Variants in TNRC6B observed in about 807,000 individuals in gnomAD.
TNRC6B encodes the protein trinucleotide repeat containing adaptor 6B.
In TNRC6B, 52 loss-of-function variants were observed where a neutral mutation model predicts 203.6. That is an observed-to-expected ratio of 0.26 (90% CI 0.20 to 0.32). The LOEUF (loss-of-function observed/expected upper bound fraction) is 0.32, where lower values mean the gene tolerates loss of function less well. Ranked by LOEUF, TNRC6B falls within the 10% of genes least tolerant of loss-of-function variation. The pLI is 1.00. For missense variants in TNRC6B, 1,923 were observed against 2,286.2 expected, an observed-to-expected ratio of 0.84 and a Z score of 3.24; for synonymous variants, 838 against 845.7, an observed-to-expected ratio of 0.99 and a Z score of 0.16.
chr22:40,109,349 G>A (rs559051096), intron 1 of TNRC6B, among the ~76,000 whole-genome samples: 1 of 152,236 alleles, frequency 6.6e-6, no homozygotes, highest in South Asian at 2.1e-4. Flanking sequence ...GGTCATTGAG[G>A]AATCACCACA....
At chr22:40,240,624 C>G (rs773539980) in intron 1 of TNRC6B, among the ~76,000 whole-genome samples, 1 of 152,138 alleles carries the variant, frequency 6.6e-6, no homozygotes, top group Non-Finnish European at 1.5e-5. Flanking sequence ...AGTAGAGACT[C>G]AGTAAATACT....
intron 13 of TNRC6B, 145 bp downstream of exon 13, chr22:40,300,731 T>TA: frequency 7.8e-7 from 1 of 1,281,828 alleles, no homozygotes; most frequent in Non-Finnish European, 1.1e-6. Flanking sequence ...GGAGTGTGCT[T>TA]AAGGGTTGTC....
intron 1 of TNRC6B, among the ~76,000 whole-genome samples, chr22:40,207,975 A>G (rs2179420): frequency 0.68 from 102,842 of 151,582 alleles, 36,628 homozygotes; most frequent in African/African-American, 0.9. Flanking sequence ...TTAGCCGGGC[A>G]TGGTGGCGGG....
At chr22:40,207,285 A>G (rs6001836) in intron 1 of TNRC6B, among the ~76,000 whole-genome samples, 58,578 of 151,770 alleles carry the variant, frequency 0.39, 15,969 homozygotes, top group African/African-American at 0.78. Flanking sequence ...GCTCACGCCT[A>G]TAGTTCCAGC....
At chr22:40,052,683 A>G (rs576627380) in intron 1 of TNRC6B, among the ~76,000 whole-genome samples, 2 of 152,122 alleles carry the variant, frequency 1.3e-5, no homozygotes, top group South Asian at 4.1e-4. Context: ...TCCCAGGCTC[A>G]AGCAATCTGC....
At chr22:40,147,121 G>T (rs917506466) in intron 3 of TNRC6B, among the ~76,000 whole-genome samples, 1 of 152,202 alleles carries the variant, frequency 6.6e-6, no homozygotes, top group African/African-American at 2.4e-5. Context: ...GCCTTACAAA[G>T]GGAAGGAAAC....
At chr22:40,312,484 T>C in intron 17 of TNRC6B, 21 bp from the exon 18 acceptor site, 1 of 1,598,846 alleles carries the variant, frequency 6.3e-7, no homozygotes, top group African/African-American at 1.3e-5. Context: ...CCTTCTCTAA[T>C]ATTTGTTTTC....
At position 40,273,490 on chromosome 22, in the gene TNRC6B, A is replaced by G; in HGVS notation, c.3031A>G (p.Ser1011Gly). 1 of 1,607,138 alleles carries G rather than the reference A, an allele frequency of 6.2e-7. No individual in the cohort carries two copies. Among genetic ancestry groups the G allele is most frequent in the East Asian group, 2.2e-5 (1 of 44,660 alleles). The change falls in exon 7 of 23, where the codon AGC (serine) becomes GGC (glycine). Residue 1011 changes from serine to glycine, a missense_variant. Ser to Gly is a moderately conservative substitution (Grantham distance 56, BLOSUM62 0). Around this residue, in one of 8 missense-constraint regions of TNRC6B, gnomAD observed 599 missense variants for 656.5 expected, o/e 0.91. Transcript: ENST00000454349. ...GCCAGTCACAGGAGCTCGCCATCCCAGCTGGGAAGAGGAGGAGGATGGAGG... is the reference window on the plus strand; with the variant it reads ...GCCAGTCACAGGAGCTCGCCATCCCGGCTGGGAAGAGGAGGAGGATGGAGG... ...DGPVTGARHP[S>G]WEEEEDGGVW...
At chr22:40,086,766 C>T (rs1014534401) in intron 1 of TNRC6B, among the ~76,000 whole-genome samples, 1 of 152,042 alleles carries the variant, frequency 6.6e-6, no homozygotes, top group Non-Finnish European at 1.5e-5. Flanking sequence ...AAAAGGAAAA[C>T]AAAGGTTTTA....
At chr22:40,159,482 A>G (rs912204075) in intron 4 of TNRC6B, among the ~76,000 whole-genome samples, 2 of 150,978 alleles carry the variant, frequency 1.3e-5, no homozygotes, top group Non-Finnish European at 3.0e-5. Context: ...TAGTAAAAAT[A>G]CAAAAAATTA....
chr22:40,301,806 G>A (rs1461826311), intron 15 of TNRC6B, among the ~76,000 whole-genome samples: 1 of 151,992 alleles, frequency 6.6e-6, no homozygotes. Flanking sequence ...AATCCAAAAT[G>A]CCCCAAAATC....
At chr22:40,156,115 G>T (rs9611280) in exon 4 of TNRC6B, 7 of 1,576,256 alleles carry the variant, frequency 4.4e-6, no homozygotes, top group Middle Eastern at 1.7e-4. Flanking sequence ...GCCTTTGCAG[G>T]TGGAACAGGA....
intron 1 of TNRC6B, among the ~76,000 whole-genome samples, chr22:40,059,048 C>G (rs1202246486): frequency 6.6e-6 from 1 of 152,188 alleles, no homozygotes; most frequent in East Asian, 1.9e-4. Context: ...TTTACTGCTC[C>G]CATTTATCAA....
rs534786095 is a variant in TNRC6B at position 40,128,521 on chromosome 22, C to T, written c.45+2659C>T. ...ACTGGATCTTTCTCTGTCACCAAGT[C>T]TGGAGTGTGGTGGTATGATCACGGC... On this transcript the variant is annotated intron_variant, in intron 3 of 23. Coordinates refer to the TNRC6B transcript ENST00000301923. Among the ~76,000 whole-genome samples, 48 of 151,952 alleles carry T rather than the reference C, an allele frequency of 3.2e-4. 1 individual carries two copies. The highest frequency in any genetic ancestry group is 2.8e-3 in the Admixed American group (43 of 15,266).
chr22:40,195,693 A>G (rs1449019884), intron 1 of TNRC6B, among the ~76,000 whole-genome samples: 3 of 152,156 alleles, frequency 2.0e-5, no homozygotes, highest in Non-Finnish European at 2.9e-5. Flanking sequence ...ACCTCAGGCA[A>G]TCCTCCTGCC....
At chr22:40,068,042 T>C (rs2067911604) in intron 1 of TNRC6B, among the ~76,000 whole-genome samples, 1 of 152,144 alleles carries the variant, frequency 6.6e-6, no homozygotes, top group Admixed American at 6.5e-5. Flanking sequence ...GGTCAAATTC[T>C]TTTTTGGGGG....
intron 1 of TNRC6B, among the ~76,000 whole-genome samples, chr22:40,053,561 T>G (rs7284797): frequency 0.044 from 6,749 of 152,266 alleles, 445 homozygotes; most frequent in African/African-American, 0.15. Flanking sequence ...TCTCTTAGAC[T>G]TTACTCATTT....
At chr22:40,114,144 A>G (rs2068365958) in intron 1 of TNRC6B, among the ~76,000 whole-genome samples, 1 of 152,124 alleles carries the variant, frequency 6.6e-6, no homozygotes, top group Admixed American at 6.6e-5. Context: ...TGAATAGTCA[A>G]GTTTGAAAAT....
intron 1 of TNRC6B, among the ~76,000 whole-genome samples, chr22:40,083,391 A>G (rs1279017551): frequency 6.6e-6 from 1 of 152,178 alleles, no homozygotes; most frequent in South Asian, 2.1e-4. Context: ...CAGCATGGAT[A>G]TTGCTGATGA....
Sources: gnomAD v4.1 joint callset for allele counts (sites outside exome capture counted in the v4.1 genomes callset) on GRCh38, gnomAD v4.1.1 for gene constraint, gnomAD v4.1.1 regional missense constraint, MANE v1.5 for transcripts, NCBI Gene and HGNC (gene_info 2026-07-23, HGNC 2026-07-21) for gene names.